RBFOX1: variants seen among roughly 807,000 people sequenced by gnomAD.
The protein encoded by RBFOX1 is RNA binding protein fox-1 homolog 1.
In RBFOX1, 8 loss-of-function variants were observed where a neutral mutation model predicts 57.7. The observed-to-expected ratio is 0.14, with a 90% CI of 0.08 to 0.25. RBFOX1 has a LOEUF of 0.25. RBFOX1 is among the 10% of genes least tolerant of loss of function. The pLI is 1.00. For missense variants in RBFOX1, 611 were observed against 548.5 expected (o/e 1.11, Z -1.14); for synonymous variants, 326 against 222.4 (o/e 1.47, Z -4.15).
chr16:6,517,533 G>T (rs77398325), intron 2 of RBFOX1, among the ~76,000 whole-genome samples: 19 of 152,096 alleles, frequency 1.2e-4, no homozygotes, highest in Non-Finnish European at 2.1e-4. Context: ...CTACACTGCC[G>T]AAGTGGGAGA....
intron 4 of RBFOX1, among the ~76,000 whole-genome samples, chr16:5,930,202 AATGGATGGATGGATGGATGGATGGATGG>A: frequency 8.9e-6 from 1 of 112,148 alleles, no homozygotes; most frequent in East Asian, 2.6e-4. Context: ...AAGAAAGAAG[AATGGATGGATGGATGGATGGATGGATGG>A]ATGGATGGAT....
intron 3 of RBFOX1, among the ~76,000 whole-genome samples, chr16:5,687,337 T>A (rs913947062): frequency 7.9e-5 from 12 of 151,708 alleles, no homozygotes; most frequent in African/African-American, 2.9e-4. Context: ...GTGTGTAGAG[T>A]CGCCTGCTTA....
At chr16:6,948,375 CTTTTTTTTT>C (rs968186299) in intron 3 of RBFOX1, among the ~76,000 whole-genome samples, 8 of 67,964 alleles carry the variant, frequency 1.2e-4, no homozygotes, top group South Asian at 5.2e-4. Flanking sequence ...TTCTCCCTTT[CTTTTTTTTT>C]TTTTTTTTTT....
chr16:5,504,396 G>T (rs188972470), intron 2 of RBFOX1, among the ~76,000 whole-genome samples: 2 of 152,334 alleles, frequency 1.3e-5, no homozygotes, highest in African/African-American at 4.8e-5. Context: ...AAGGAAACCT[G>T]GGGCTTTTGT....
At chr16:5,419,608 G>A (rs1244569439) in intron 1 of RBFOX1, among the ~76,000 whole-genome samples, 3 of 151,822 alleles carry the variant, frequency 2.0e-5, no homozygotes, top group Admixed American at 6.6e-5. Flanking sequence ...AGTATTAACC[G>A]TCACAGTCTC....
At chr16:6,883,436 C>T (rs1304791780) in intron 3 of RBFOX1, among the ~76,000 whole-genome samples, 1 of 152,156 alleles carries the variant, frequency 6.6e-6, no homozygotes, top group Non-Finnish European at 1.5e-5. Context: ...GGTTCATAGA[C>T]ATTGTACAAG....
intron 4 of RBFOX1, among the ~76,000 whole-genome samples, chr16:6,010,277 C>G (rs1365367803): frequency 6.6e-6 from 1 of 152,148 alleles, no homozygotes; most frequent in Non-Finnish European, 1.5e-5. Context: ...ACCTCCCCTC[C>G]CCAGGATAAC....
intron 1 of RBFOX1, among the ~76,000 whole-genome samples, chr16:5,327,866 G>C (rs1477772971): frequency 6.6e-6 from 1 of 152,172 alleles, no homozygotes. Context: ...TAAGCTGAAT[G>C]GTTCTGTGGT....
At chr16:6,905,510 G>A (rs1348447656) in intron 3 of RBFOX1, among the ~76,000 whole-genome samples, 1 of 150,448 alleles carries the variant, frequency 6.6e-6, no homozygotes, top group Admixed American at 6.6e-5. Context: ...CCAAGCTGAT[G>A]CCACTGCACT....
chr16:6,675,478 G>A lies in RBFOX1; in HGVS notation c.-16+20828G>A, dbSNP rs2057476410. Among the ~76,000 whole-genome samples the A allele has an allele frequency of 4.6e-5, 7 of 152,110 alleles. 1 individual carries two copies. The South Asian group carries it at 1.5e-3, about 32-fold the overall frequency. On this transcript the variant is annotated intron_variant, in intron 3 of 15. Transcript: ENST00000550418. The stretch of plus-strand genomic sequence containing the variant: ...TGCATTTGACAAATTTAGTGACAAA[G>A]CCCTGGGCTTGGTCAGGCTTGCATC...
At chr16:5,279,885 G>A (rs1278828235) in intron 1 of RBFOX1, among the ~76,000 whole-genome samples, 2 of 152,132 alleles carry the variant, frequency 1.3e-5, no homozygotes, top group Non-Finnish European at 2.9e-5. Flanking sequence ...TCTGCAAAGT[G>A]AGCCAATTTG....
At chr16:6,681,814 C>G (rs1018077602) in intron 3 of RBFOX1, among the ~76,000 whole-genome samples, 4 of 152,154 alleles carry the variant, frequency 2.6e-5, no homozygotes, top group African/African-American at 7.2e-5. Flanking sequence ...GCTACCCTTT[C>G]TTTTCAGCCG....
chr16:5,558,020 C>G lies in RBFOX1; in HGVS notation c.259-40882C>G, dbSNP rs193109116. 2.9e-3 allele frequency among the ~76,000 whole-genome samples: 436 copies of G among 152,272 alleles called. 5 individuals carry two copies. The highest frequency in any genetic ancestry group is 9.8e-3 in the African/African-American group (407 of 41,594). ...GTCAGAGACTCGCCACTGGGCGGCC[C>G]AACTCCGGGGGAGGACTGCCTTCCC... On this transcript the variant is annotated intron_variant, in intron 2 of 2. Transcript: ENST00000585867.
intron 3 of RBFOX1, among the ~76,000 whole-genome samples, chr16:6,749,196 C>G (rs11647951): frequency 0.14 from 20,775 of 152,196 alleles, 1,567 homozygotes; most frequent in South Asian, 0.24. Context: ...GGATCCTGCT[C>G]TGCTGTGCAT....
intron 3 of RBFOX1, among the ~76,000 whole-genome samples, chr16:6,952,859 C>T (rs145148522): frequency 0.083 from 12,626 of 151,800 alleles, 1,596 homozygotes; most frequent in African/African-American, 0.27. Flanking sequence ...CCTGTAATCC[C>T]AGCTATTGGG....
intron 4 of RBFOX1, among the ~76,000 whole-genome samples, chr16:7,471,890 C>A (rs1018213883): frequency 4.6e-5 from 7 of 152,204 alleles, no homozygotes; most frequent in African/African-American, 1.7e-4. Flanking sequence ...ACCCTTCATT[C>A]TATGCCATTT....
intron 3 of RBFOX1, among the ~76,000 whole-genome samples, chr16:6,988,866 G>A (rs372513376): frequency 3.3e-5 from 5 of 151,766 alleles, no homozygotes; most frequent in Non-Finnish European, 7.4e-5. Flanking sequence ...CTCCCTCCTG[G>A]GTTCAGTGAT....
At chr16:6,363,373 C>T (rs928101830) in intron 2 of RBFOX1, among the ~76,000 whole-genome samples, 4 of 152,168 alleles carry the variant, frequency 2.6e-5, no homozygotes, top group Non-Finnish European at 5.9e-5. Flanking sequence ...AGGCACCATA[C>T]CCTAAATCTT....
intron 2 of RBFOX1, among the ~76,000 whole-genome samples, chr16:6,513,018 C>A (rs566695269): frequency 1.3e-5 from 2 of 152,296 alleles, no homozygotes; most frequent in South Asian, 4.1e-4. Flanking sequence ...TCGATGTCTC[C>A]TTCCCACTGT....
Sources: gnomAD v4.1 joint callset for allele counts (sites outside exome capture counted in the v4.1 genomes callset) on GRCh38, gnomAD v4.1.1 for gene constraint, MANE v1.5 for transcripts, NCBI Gene and HGNC (gene_info 2026-07-23, HGNC 2026-07-21) for gene names.